Variants in IQUB observed in about 807,000 individuals in gnomAD.
IQUB encodes the protein IQ motif and ubiquitin domain containing.
In IQUB, 86 loss-of-function variants were observed where a neutral mutation model predicts 86.4. The ratio of observed to expected loss-of-function variants is 1.00; its 90% CI spans 0.84 to 1.19. The LOEUF (loss-of-function observed/expected upper bound fraction) is 1.19. Ranked by LOEUF, IQUB falls within the 50% of genes most tolerant of loss-of-function variation. IQUB has a pLI of 0.00. For missense variants in IQUB, 946 were observed against 916.9 expected (o/e 1.03, Z -0.41); for synonymous variants, 289 against 304.5 (o/e 0.95, Z 0.53).
chr7:123,497,503 TTGTATGAAACATGAATA>T (rs1795755185), intron 6 of IQUB, among the ~76,000 whole-genome samples: 1 of 152,184 alleles, frequency 6.6e-6, no homozygotes, highest in South Asian at 2.1e-4. Flanking sequence ...ATTTATTAAC[TTGTATGAAACATGAATA>T]TGTTTGAAAG....
At chr7:123,456,134 G>T (rs1016332805) in intron 12 of IQUB, among the ~76,000 whole-genome samples, 1 of 152,016 alleles carries the variant, frequency 6.6e-6, no homozygotes, top group African/African-American at 2.4e-5. Flanking sequence ...TTGTCTGCTT[G>T]CAAATCTTGG....
chr7:123,527,191 T>TTGGTTATTG (rs1797266089), intron 1 of IQUB, among the ~76,000 whole-genome samples: 1 of 152,236 alleles, frequency 6.6e-6, no homozygotes, highest in Non-Finnish European at 1.5e-5. Context: ...CTTTTCTTTA[T>TTGGTTATTG]TGGTTATTGT....
Position 123,503,037 on chromosome 7 carries a change from A to G in IQUB, c.774T>C (p.His258=). The change falls in exon 5 of 13, where the codon CAT becomes CAC. Residue 258 remains histidine (H), a synonymous_variant. Coordinates refer to ENST00000324698, the MANE Select transcript of IQUB (RefSeq NM_178827.5). ...TGTGATACTCTACTCCTGTTACTTT[A>G]TGTCTGAATCCACCAAGAAATGGTT... ...FHKPFLGGFR[H]KVTGVEYHNA... is the part of the protein sequence containing the mutation. 3 of 1,613,220 alleles carry G rather than the reference A, an allele frequency of 1.9e-6. No homozygotes were observed. The highest frequency in any genetic ancestry group is 2.5e-6 in the Non-Finnish European group (3 of 1,179,418).
At chr7:123,481,906 T>C (rs1795024275) in intron 7 of IQUB, among the ~76,000 whole-genome samples, 1 of 151,956 alleles carries the variant, frequency 6.6e-6, no homozygotes, top group Admixed American at 6.6e-5. Flanking sequence ...TATGAAATGA[T>C]TATACAGATA....
intron 8 of IQUB, 105 bp from the exon 9 acceptor site, chr7:123,469,489 C>A: frequency 1.9e-6 from 1 of 526,200 alleles, no homozygotes; most frequent in East Asian, 3.2e-5. Flanking sequence ...TGCTTTATAA[C>A]TAAAGTATTG....
rs138197839 is a variant in IQUB at position 123,486,547 on chromosome 7, G to A, written c.1235-6577C>T. Among the ~76,000 whole-genome samples, 65 of 152,272 alleles carry A rather than the reference G, an allele frequency of 4.3e-4. No homozygotes were observed. In the East Asian group the frequency reaches 0.011, roughly 25 times the overall value. On this transcript the variant is annotated intron_variant, in intron 7 of 12. Transcript: ENST00000324698. ...GGTTTGTAGCATAATTAATTGGTACGTAGTAATTGTCCTTAGTAAATATTT... is the reference window on the plus strand; with the variant it reads ...GGTTTGTAGCATAATTAATTGGTACATAGTAATTGTCCTTAGTAAATATTT...
At chr7:123,495,321 A>G (rs902921123) in intron 7 of IQUB, among the ~76,000 whole-genome samples, 1 of 152,056 alleles carries the variant, frequency 6.6e-6, no homozygotes, top group African/African-American at 2.4e-5. Context: ...GAATTTATTA[A>G]TATTGTTTAT....
chr7:123,464,555 C>T (rs4731106), intron 10 of IQUB, among the ~76,000 whole-genome samples: 1,648 of 151,764 alleles, frequency 0.011, 101 homozygotes, highest in Admixed American at 0.096. Flanking sequence ...GCCATGGAGG[C>T]GTGAGAAATC....
chr7:123,507,827 G>A (rs949603221), intron 3 of IQUB, among the ~76,000 whole-genome samples: 7 of 150,590 alleles, frequency 4.6e-5, no homozygotes, highest in Non-Finnish European at 1.0e-4. Context: ...GAGCGAGATC[G>A]TGACACTGAC....
At chr7:123,488,255 GGT>G (rs975937420) in intron 7 of IQUB, among the ~76,000 whole-genome samples, 8 of 151,438 alleles carry the variant, frequency 5.3e-5, no homozygotes, top group African/African-American at 1.9e-4. Context: ...GCAGGAGAAT[GGT>G]GTGAACCCAG....
intron 1 of IQUB, among the ~76,000 whole-genome samples, chr7:123,528,510 C>G (rs1203538924): frequency 6.6e-6 from 1 of 152,158 alleles, no homozygotes; most frequent in Non-Finnish European, 1.5e-5. Context: ...TATCTGGGAT[C>G]CAAATCCAGG....
At chr7:123,491,698 T>A (rs2117139455) in intron 7 of IQUB, among the ~76,000 whole-genome samples, 1 of 152,270 alleles carries the variant, frequency 6.6e-6, no homozygotes, top group East Asian at 1.9e-4. Context: ...GTTTAAACCT[T>A]CCCACAAAGA....
At chr7:123,454,284 A>G (rs1793585533) in intron 12 of IQUB, among the ~76,000 whole-genome samples, 1 of 152,136 alleles carries the variant, frequency 6.6e-6, no homozygotes, top group Non-Finnish European at 1.5e-5. Context: ...AGGTGCCTTT[A>G]CAGTACTATA....
At chr7:123,519,186 G>C (rs1478459330) in intron 1 of IQUB, among the ~76,000 whole-genome samples, 1 of 152,104 alleles carries the variant, frequency 6.6e-6, no homozygotes, top group African/African-American at 2.4e-5. Context: ...AAAGAAAGGG[G>C]AATGGTAGTA....
At chr7:123,459,651 T>A (rs994156820) in intron 11 of IQUB, 2 of 151,958 alleles carry the variant, frequency 1.3e-5, no homozygotes, top group Non-Finnish European at 2.9e-5. Flanking sequence ...TATATATATA[T>A]AACATATATG....
chr7:123,459,375 C>T (rs371658147), intron 11 of IQUB, among the ~76,000 whole-genome samples: 5 of 151,990 alleles, frequency 3.3e-5, no homozygotes, highest in Admixed American at 2.6e-4. Context: ...AGTCAGTAGA[C>T]TGAGTAAAGC....
chr7:123,489,292 G>C (rs1795353953), intron 7 of IQUB, among the ~76,000 whole-genome samples: 1 of 152,094 alleles, frequency 6.6e-6, no homozygotes, highest in South Asian at 2.1e-4. Flanking sequence ...GAGAACCATG[G>C]TAAGAACTCA....
intron 8 of IQUB, 48 bp from the exon 9 acceptor site, chr7:123,469,432 G>A (rs769654992): frequency 7.7e-5 from 89 of 1,152,626 alleles, no homozygotes; most frequent in Non-Finnish European, 8.0e-5. Flanking sequence ...TAGAAACTAC[G>A]TATAACAATT....
At chr7:123,462,654 C>T (rs1794049917) in intron 10 of IQUB, 2 of 262,712 alleles carry the variant, frequency 7.6e-6, no homozygotes, top group African/African-American at 4.5e-5. Context: ...TTATCTGGTT[C>T]CTTTTCTTAT....
Sources: gnomAD v4.1 joint callset for allele counts (sites outside exome capture counted in the v4.1 genomes callset) on GRCh38, gnomAD v4.1.1 for gene constraint, MANE v1.5 for transcripts, NCBI Gene and HGNC (gene_info 2026-07-23, HGNC 2026-07-21) for gene names.